The following GALK2 variants were observed in gnomAD, a reference collection of about 807,000 sequenced individuals.
GALK2 encodes the protein galactokinase 2.
A neutral mutation model predicts 52.4 loss-of-function variants in GALK2; 36 were observed. The ratio of observed to expected loss-of-function variants is 0.69; its 90% CI spans 0.53 to 0.91. GALK2 has a LOEUF of 0.91. Ranked by LOEUF, GALK2 falls within the 40% of genes least tolerant of loss-of-function variation. The pLI is 0.00. For missense variants in GALK2, 579 were observed against 559.1 expected, an observed-to-expected ratio of 1.04 and a Z score of -0.36; for synonymous variants, 176 against 199.1, an observed-to-expected ratio of 0.88 and a Z score of 0.98.
At chr15:49,264,194 C>A (rs989486228) in intron 5 of GALK2, among the ~76,000 whole-genome samples, 6 of 151,886 alleles carry the variant, frequency 4.0e-5, no homozygotes, top group African/African-American at 1.5e-4. Flanking sequence ...CTCCCCATCA[C>A]TTTCAGGTAC....
chr15:49,348,969 C>T (rs969343258), intron 3 of GALK2, among the ~76,000 whole-genome samples: 3 of 152,104 alleles, frequency 2.0e-5, no homozygotes, highest in African/African-American at 7.2e-5. Context: ...CTTATTCTTC[C>T]GTTGAGTCAT....
chr15:49,364,975 G>A (rs2044876258), intron 3 of GALK2: 1 of 366,930 alleles, frequency 2.7e-6, no homozygotes, highest in Admixed American at 4.4e-5. Context: ...AATTATTTAT[G>A]ATGTAACTGT....
intron 7 of GALK2, among the ~76,000 whole-genome samples, chr15:49,290,938 G>A (rs1360739846): frequency 6.6e-6 from 1 of 151,980 alleles, no homozygotes; most frequent in Admixed American, 6.6e-5. Flanking sequence ...TTAACTAGTT[G>A]AGTTACTTTG....
At chr15:49,312,680 C>T (rs556423438) in intron 8 of GALK2, among the ~76,000 whole-genome samples, 14 of 152,298 alleles carry the variant, frequency 9.2e-5, no homozygotes, top group African/African-American at 3.1e-4. Flanking sequence ...CTGATTAGTA[C>T]ACTTATTCAT....
chr15:49,310,323 T>C (rs1407405938), intron 8 of GALK2, among the ~76,000 whole-genome samples: 1 of 152,254 alleles, frequency 6.6e-6, no homozygotes, highest in Non-Finnish European at 1.5e-5. Flanking sequence ...ATCTTGGCTA[T>C]TGTGAATAGT....
At chr15:49,294,087 C>CAAATAAAT (rs201999229) in intron 8 of GALK2, among the ~76,000 whole-genome samples, 4,101 of 131,014 alleles carry the variant, frequency 0.031, 93 homozygotes, top group East Asian at 0.066. Context: ...GACCCTGTCT[C>CAAATAAAT]AAATAAATAA....
At chr15:49,267,027 A>G (rs2092385254) in intron 5 of GALK2, among the ~76,000 whole-genome samples, 1 of 152,140 alleles carries the variant, frequency 6.6e-6, no homozygotes, top group South Asian at 2.1e-4. Flanking sequence ...GAAGGGAGGT[A>G]CTTGAGCCAC....
chr15:49,347,164 A>G, intron 3 of GALK2, among the ~76,000 whole-genome samples: 1 of 152,230 alleles, frequency 6.6e-6, no homozygotes, highest in East Asian at 1.9e-4. Flanking sequence ...GGGAAGGGCT[A>G]TTGAAAACAT....
Position 49,292,507 on chromosome 15 carries a change from A to G in GALK2, c.937A>G (p.Thr313Ala). The part of the protein sequence containing the change: ...CLGISLEELR[T>A]QILSPNTQDV... Reference sequence around the variant, plus strand: ...GGGAATTAGCCTGGAGGAACTCCGAACCCAAATCCTGAGTCCAAACACTCA... The same window carrying G: ...GGGAATTAGCCTGGAGGAACTCCGAGCCCAAATCCTGAGTCCAAACACTCA... Residue 313 changes from threonine (T) to alanine (A), a missense_variant, in exon 8 of 10, where the codon ACC becomes GCC. Physicochemically the swap from Thr to Ala is moderately conservative, Grantham distance 58. Coordinates refer to ENST00000560031, the MANE Select transcript of GALK2 (RefSeq NM_002044.4). 6.2e-7 allele frequency: 1 copy of G among 1,613,946 alleles called. No homozygotes were observed. Among genetic ancestry groups the G allele is most frequent in the East Asian group, 2.2e-5 (1 of 44,870 alleles).
At position 49,170,286 on chromosome 15, in the gene GALK2, A is replaced by G. The variant is rs1279310840; in HGVS notation, c.-37A>G. ...ATTGCTCTGGGAGCTTTGCTTAGACACTTGAAACTACAGGAGAAAGAAGGA... is the reference window on the plus strand; with the variant it reads ...ATTGCTCTGGGAGCTTTGCTTAGACGCTTGAAACTACAGGAGAAAGAAGGA... On this transcript the variant is annotated 5_prime_UTR_variant, in exon 1 of 10. Transcript: ENST00000560031. The G allele has an allele frequency of 4.5e-6, 7 of 1,563,458 alleles. No homozygotes were observed. The highest frequency in any genetic ancestry group is 6.1e-6 in the Non-Finnish European group (7 of 1,153,472).
intron 3 of GALK2, among the ~76,000 whole-genome samples, chr15:49,234,169 A>G (rs1429132613): frequency 6.6e-6 from 1 of 152,190 alleles, no homozygotes; most frequent in African/African-American, 2.4e-5. Context: ...CTCCCATTTC[A>G]CATACATTGT....
At chr15:49,209,880 A>G (rs1394823162) in intron 2 of GALK2, among the ~76,000 whole-genome samples, 6 of 152,100 alleles carry the variant, frequency 3.9e-5, no homozygotes, top group Non-Finnish European at 8.8e-5. Context: ...CCGCCTTTCA[A>G]TTTTTTTGCA....
chr15:49,177,744 C>G, intron 1 of GALK2: 1 of 812,964 alleles, frequency 1.2e-6, no homozygotes, highest in South Asian at 1.8e-5. Flanking sequence ...TCACCCTTTG[C>G]TTGTGGACTG....
chr15:49,287,237 C>T (rs1334251486), intron 7 of GALK2, among the ~76,000 whole-genome samples: 1 of 152,136 alleles, frequency 6.6e-6, no homozygotes, highest in Non-Finnish European at 1.5e-5. Context: ...CTGAATTTGG[C>T]TTTTTGCTAC....
At chr15:49,194,633 T>G (rs1217570967) in intron 1 of GALK2, among the ~76,000 whole-genome samples, 1 of 151,610 alleles carries the variant, frequency 6.6e-6, no homozygotes, top group African/African-American at 2.4e-5. Flanking sequence ...TTCACTGTTA[T>G]TGCCTGGGCT....
At chr15:49,240,307 C>G (rs2091031193) in intron 5 of GALK2, among the ~76,000 whole-genome samples, 1 of 152,012 alleles carries the variant, frequency 6.6e-6, no homozygotes, top group Non-Finnish European at 1.5e-5. Flanking sequence ...ATGTGTTTCC[C>G]CTGGTACAAT....
chr15:49,156,807 A>G (rs1443510332), intron 1 of GALK2: 21 of 717,676 alleles, frequency 2.9e-5, no homozygotes, highest in Non-Finnish European at 4.2e-5. Flanking sequence ...TTTGAAGTCA[A>G]AATCTTCCCT....
chr15:49,189,949 AT>A (rs966029820), intron 1 of GALK2, among the ~76,000 whole-genome samples: 19 of 152,136 alleles, frequency 1.2e-4, no homozygotes, highest in Admixed American at 1.1e-3. Context: ...GGACTGCTAT[AT>A]TTTTTCGTGT....
chr15:49,217,718 G>A (rs141082009), intron 3 of GALK2, among the ~76,000 whole-genome samples: 2,885 of 152,174 alleles, frequency 0.019, 47 homozygotes, highest in Middle Eastern at 0.031. Flanking sequence ...TTATTTACCT[G>A]TGTCACCCAG....
Sources: gnomAD v4.1 joint callset for allele counts (sites outside exome capture counted in the v4.1 genomes callset) on GRCh38, gnomAD v4.1.1 for gene constraint, MANE v1.5 for transcripts, NCBI Gene and HGNC (gene_info 2026-07-23, HGNC 2026-07-21) for gene names.